The following KCNMB3 variants were observed in gnomAD, a reference collection of about 807,000 sequenced individuals.
KCNMB3 encodes calcium-activated potassium channel subunit beta-3.
In KCNMB3, 18 loss-of-function variants were observed where a neutral mutation model predicts 11.9. The observed-to-expected ratio is 1.51, with a 90% CI of 1.04 to 2.23. KCNMB3 has a LOEUF of 2.23. Ranked by LOEUF, KCNMB3 falls within the 30% of genes most tolerant of loss-of-function variation. The pLI is 0.00. For synonymous variants in KCNMB3, 78 were observed against 119.2 expected (o/e 0.65, Z 2.25); for missense variants, 247 against 329.4 (o/e 0.75, Z 1.94).
At chr3:179,257,887 TGTGTGTG>T (rs751393282) in intron 1 of KCNMB3, among the ~76,000 whole-genome samples, 1 of 151,508 alleles carries the variant, frequency 6.6e-6, no homozygotes, top group Non-Finnish European at 1.5e-5. Flanking sequence ...TGTGTGTGTG[TGTGTGTG>T]TGTGTTTTTT....
At chr3:179,258,224 G>A (rs1726086681) in intron 1 of KCNMB3, among the ~76,000 whole-genome samples, 1 of 152,128 alleles carries the variant, frequency 6.6e-6, no homozygotes, top group Non-Finnish European at 1.5e-5. Flanking sequence ...CTCAAATACT[G>A]CAGTAGGAAA....
At chr3:179,259,693 T>C (rs1726139570) in intron 1 of KCNMB3, 16 of 1,602,136 alleles carry the variant, frequency 1.0e-5, no homozygotes, top group East Asian at 2.2e-5. Flanking sequence ...AGGGTTTCTA[T>C]GGGTACTGGG....
intron 1 of KCNMB3, among the ~76,000 whole-genome samples, chr3:179,246,869 G>A (rs899817070): frequency 5.9e-5 from 9 of 152,188 alleles, no homozygotes; most frequent in African/African-American, 1.9e-4. Context: ...CCCGGTCAGA[G>A]CCTTTCAGGT....
chr3:179,240,742 A>T (rs1312274826), downstream of KCNMB3: 1 of 151,928 alleles, frequency 6.6e-6, no homozygotes, highest in East Asian at 1.9e-4. Context: ...GGTAATTGAA[A>T]CACACGCTTT....
chr3:179,266,697 C>A, exon 1 of KCNMB3: 1 of 1,614,162 alleles, frequency 6.2e-7, no homozygotes, highest in Non-Finnish European at 8.5e-7. Flanking sequence ...CACGGGGATG[C>A]TGAAGGGCTG....
rs1452291082 is a variant in KCNMB3 at position 179,259,726 on chromosome 3, T to C, written c.62+6923A>G. Reference sequence around the variant, plus strand: ...GGGGATTTTTTCCTCTTCTTTTTCTTTTTCTTGTTCTTTCTCTTCTGCAAT... The same window carrying C: ...GGGGATTTTTTCCTCTTCTTTTTCTCTTTCTTGTTCTTTCTCTTCTGCAAT... On this transcript the variant is annotated intron_variant, in intron 1 of 3. Coordinates refer to the KCNMB3 transcript ENST00000349697. The C allele has an allele frequency of 1.3e-5, 20 of 1,592,994 alleles. No homozygotes were observed. In the South Asian group the frequency reaches 1.7e-4, roughly 14 times the overall value.
intron 2 of KCNMB3, among the ~76,000 whole-genome samples, chr3:179,244,059 C>A (rs1346690305): frequency 6.6e-6 from 1 of 152,180 alleles, no homozygotes; most frequent in African/African-American, 2.4e-5. Flanking sequence ...AAGACTATTT[C>A]AGGGATCATT....
rs539114910 is a variant in KCNMB3, at chr3:179,261,237, A to T, written c.62+5412T>A. 1.2e-5 allele frequency: 16 copies of T among 1,341,544 alleles called. No individual in the cohort carries two copies. In the African/African-American group the frequency reaches 2.1e-4, roughly 18 times the overall value. 83.1% of individuals were successfully genotyped at this position (1,341,544 alleles called of 1,614,324 possible). A position where few individuals can be genotyped will look rare whatever the true frequency, so the allele number is the denominator to read the frequency against. On this transcript the variant is annotated intron_variant, in intron 1 of 3. Transcript: ENST00000349697. ...CTCTGCGCTTCCGCGCTCAAACAGT[A>T]GATCTCCCGGCTCTGCGTGGCCGCG...
exon 1 of KCNMB3, chr3:179,266,780 A>G: frequency 1.9e-6 from 3 of 1,590,946 alleles, no homozygotes; most frequent in African/African-American, 1.3e-5. Flanking sequence ...AGAAAGGTGA[A>G]GCTTAGACAT....
intron 1 of KCNMB3, among the ~76,000 whole-genome samples, chr3:179,249,978 G>C (rs1257514137): frequency 6.6e-6 from 1 of 152,006 alleles, no homozygotes; most frequent in Non-Finnish European, 1.5e-5. Context: ...AACCACCATG[G>C]CACACGTTTA....
At chr3:179,259,294 G>T in intron 1 of KCNMB3, 1 of 1,552,912 alleles carries the variant, frequency 6.4e-7, no homozygotes, top group Non-Finnish European at 8.6e-7. Flanking sequence ...TCGCTCTCTG[G>T]TTCTTCAGGA....
intron 1 of KCNMB3, chr3:179,260,931 A>C (rs1161402968): frequency 9.0e-7 from 1 of 1,110,068 alleles, no homozygotes; most frequent in Non-Finnish European, 1.4e-6. Flanking sequence ...GCCTTCTTAC[A>C]TTTCTCTTCA....
chr3:179,251,984 T>C (rs1184334716), upstream of KCNMB3, among the ~76,000 whole-genome samples: 1 of 152,146 alleles, frequency 6.6e-6, no homozygotes, highest in African/African-American at 2.4e-5. Context: ...CCTCCCAAAA[T>C]GTTGGGATTA....
At chr3:179,245,841 T>C (rs1023831546) in intron 1 of KCNMB3, among the ~76,000 whole-genome samples, 2 of 152,196 alleles carry the variant, frequency 1.3e-5, no homozygotes, top group African/African-American at 2.4e-5. Context: ...AATTTTCACA[T>C]GTAATACATA....
At chr3:179,261,389 G>A in intron 1 of KCNMB3, 1 of 1,088,614 alleles carries the variant, frequency 9.2e-7, no homozygotes, top group Non-Finnish European at 1.1e-6. Flanking sequence ...GGAGCCACTC[G>A]CCGCGAAGTG....
At chr3:179,262,584 G>A (rs1486543098) in intron 1 of KCNMB3, among the ~76,000 whole-genome samples, 1 of 152,212 alleles carries the variant, frequency 6.6e-6, no homozygotes, top group Non-Finnish European at 1.5e-5. Flanking sequence ...TGCTGGCTGG[G>A]GCAGCCTACT....
upstream of KCNMB3, among the ~76,000 whole-genome samples, chr3:179,254,632 G>A (rs1452462775): frequency 6.6e-6 from 1 of 151,990 alleles, no homozygotes; most frequent in Non-Finnish European, 1.5e-5. Flanking sequence ...TACATGGTGA[G>A]AAACCCTATC....
At chr3:179,251,573 C>A (rs74660946), upstream of KCNMB3, 9,040 of 1,295,528 alleles carry the variant, frequency 7.0e-3, 146 homozygotes, top group South Asian at 0.069. Flanking sequence ...ACTGTGCCTG[C>A]AAACCTGCTC....
At chr3:179,257,634 GAACAAGT>G (rs1179844302) in intron 1 of KCNMB3, among the ~76,000 whole-genome samples, 1 of 152,158 alleles carries the variant, frequency 6.6e-6, no homozygotes, top group East Asian at 1.9e-4. Context: ...GTTTGCACAA[GAACAAGT>G]AACCTTTTTT....
Sources: allele counts gnomAD v4.1 joint callset (sites outside exome capture counted in the v4.1 genomes callset), GRCh38; gene constraint gnomAD v4.1.1; transcripts MANE v1.5; gene names NCBI Gene and HGNC (gene_info 2026-07-23, HGNC 2026-07-21).